The following CACNA2D3 variants were observed in gnomAD, a reference collection of about 807,000 sequenced individuals.
CACNA2D3 encodes calcium voltage-gated channel auxiliary subunit alpha2delta 3, also known as voltage-dependent calcium channel subunit alpha-2/delta-3.
CACNA2D3 carries 60 observed loss-of-function variants against 160.6 expected under a neutral mutation model. The ratio of observed to expected loss-of-function variants is 0.37; its 90% CI spans 0.30 to 0.46. The LOEUF is 0.46. Among genes scored for constraint, CACNA2D3 ranks in the 20% least tolerant of loss-of-function variants. The pLI, the probability that CACNA2D3 is intolerant of heterozygous loss-of-function variation, is 1.00. For synonymous variants in CACNA2D3, 558 were observed against 492.9 expected (o/e 1.13, Z -1.75); for missense variants, 1,205 against 1,365.0 (o/e 0.88, Z 1.85).
intron 2 of CACNA2D3, among the ~76,000 whole-genome samples, chr3:54,187,179 G>T (rs1361926684): frequency 1.2e-4 from 19 of 152,208 alleles, no homozygotes; most frequent in Admixed American, 1.2e-3. Flanking sequence ...CCTTGGAAGA[G>T]TCACTTGACA....
intron 2 of CACNA2D3, among the ~76,000 whole-genome samples, chr3:54,250,584 C>T (rs1456391554): frequency 6.6e-6 from 1 of 152,058 alleles, no homozygotes; most frequent in African/African-American, 2.4e-5. Flanking sequence ...AAGGCTCATG[C>T]CACAATACTT....
At chr3:55,053,770 A>G (rs569330238) in intron 35 of CACNA2D3, among the ~76,000 whole-genome samples, 1 of 151,966 alleles carries the variant, frequency 6.6e-6, no homozygotes, top group Non-Finnish European at 1.5e-5. Context: ...GATGAATTTT[A>G]TGTCCTTTCT....
intron 12 of CACNA2D3, among the ~76,000 whole-genome samples, chr3:54,761,208 C>G (rs1553835897): frequency 1.3e-5 from 2 of 152,090 alleles, no homozygotes; most frequent in Non-Finnish European, 2.9e-5. Flanking sequence ...TACAGGCAAC[C>G]AAGAAGAACT....
At chr3:54,602,896 A>G (rs528125054) in intron 9 of CACNA2D3, among the ~76,000 whole-genome samples, 3 of 152,282 alleles carry the variant, frequency 2.0e-5, no homozygotes, top group Non-Finnish European at 2.9e-5. Context: ...CACTCCTCAC[A>G]TTGCAGAAAG....
At chr3:54,662,961 C>T (rs887643412) in intron 11 of CACNA2D3, among the ~76,000 whole-genome samples, 20 of 152,174 alleles carry the variant, frequency 1.3e-4, no homozygotes, top group African/African-American at 4.6e-4. Context: ...GATAGTGGCT[C>T]CTTCTCAGTT....
intron 11 of CACNA2D3, among the ~76,000 whole-genome samples, chr3:54,690,607 G>T (rs564924156): frequency 1.3e-5 from 2 of 151,896 alleles, no homozygotes; most frequent in African/African-American, 2.4e-5. Flanking sequence ...GAATAGCTAT[G>T]GTTTTTGACA....
chr3:55,026,471 T>C (rs1703564700), intron 35 of CACNA2D3, among the ~76,000 whole-genome samples: 1 of 152,160 alleles, frequency 6.6e-6, no homozygotes, highest in Admixed American at 6.5e-5. Context: ...GCAATGCCAA[T>C]ACTCCATGGT....
At chr3:54,206,439 CTG>C (rs1184010632) in intron 2 of CACNA2D3, among the ~76,000 whole-genome samples, 1 of 152,158 alleles carries the variant, frequency 6.6e-6, no homozygotes, top group Non-Finnish European at 1.5e-5. Context: ...TCTAGAGACT[CTG>C]TGTCCTGGGA....
chr3:54,930,586 A>G (rs1050989981), intron 27 of CACNA2D3, among the ~76,000 whole-genome samples: 14 of 152,230 alleles, frequency 9.2e-5, no homozygotes, highest in Non-Finnish European at 1.5e-5. Flanking sequence ...GCAGAGAACC[A>G]AAGGCAGTCA....
chr3:55,029,628 A>G (rs918255059), intron 35 of CACNA2D3, among the ~76,000 whole-genome samples: 2 of 152,130 alleles, frequency 1.3e-5, no homozygotes, highest in African/African-American at 4.8e-5. Context: ...GATTTTTGCC[A>G]CTTCCTGGGT....
At chr3:54,965,634 A>G (rs1303775544) in intron 27 of CACNA2D3, among the ~76,000 whole-genome samples, 1 of 152,208 alleles carries the variant, frequency 6.6e-6, no homozygotes, top group Admixed American at 6.5e-5. Flanking sequence ...TGATCCATCA[A>G]TGAAATTGTG....
chr3:54,834,522 A>G (rs1698627708), intron 14 of CACNA2D3, among the ~76,000 whole-genome samples: 1 of 152,234 alleles, frequency 6.6e-6, no homozygotes, highest in South Asian at 2.1e-4. Flanking sequence ...AAACTATTAC[A>G]GACTGTATAT....
At chr3:54,715,966 G>GT (rs1701042978) in intron 11 of CACNA2D3, among the ~76,000 whole-genome samples, 2 of 152,064 alleles carry the variant, frequency 1.3e-5, no homozygotes, top group Admixed American at 6.6e-5. Flanking sequence ...TAAGTTCTGG[G>GT]TATCTAATAT....
At chr3:54,488,817 C>G (rs1231716229) in intron 4 of CACNA2D3, among the ~76,000 whole-genome samples, 1 of 152,102 alleles carries the variant, frequency 6.6e-6, no homozygotes, top group Non-Finnish European at 1.5e-5. Flanking sequence ...TGAGTAATCA[C>G]TCAGATAAGT....
At chr3:54,358,899 A>AT (rs980704515) in intron 3 of CACNA2D3, among the ~76,000 whole-genome samples, 5 of 151,894 alleles carry the variant, frequency 3.3e-5, no homozygotes, top group African/African-American at 4.8e-5. Context: ...TTCTAGGACA[A>AT]TTTTTTTTCC....
chr3:54,476,075 A>C (rs1372931967), intron 4 of CACNA2D3, among the ~76,000 whole-genome samples: 1 of 141,110 alleles, frequency 7.1e-6, no homozygotes, highest in Non-Finnish European at 1.5e-5. Flanking sequence ...GATTTCACAT[A>C]TAAGTGAGAT....
intron 2 of CACNA2D3, among the ~76,000 whole-genome samples, chr3:54,160,741 G>GT (rs2107296455): frequency 6.6e-6 from 1 of 152,288 alleles, no homozygotes; most frequent in East Asian, 1.9e-4. Context: ...GTTGTTTCAA[G>GT]TTTTCTGTGC....
intron 2 of CACNA2D3, among the ~76,000 whole-genome samples, chr3:54,157,658 G>A (rs1261985962): frequency 1.3e-5 from 2 of 152,124 alleles, no homozygotes; most frequent in African/African-American, 4.8e-5. Flanking sequence ...GAGCATGGTG[G>A]TGCATGCCTG....
At chr3:54,982,929 G>GACAC (rs1702537466) in intron 29 of CACNA2D3, among the ~76,000 whole-genome samples, 2 of 152,118 alleles carry the variant, frequency 1.3e-5, no homozygotes, top group African/African-American at 4.8e-5. Flanking sequence ...TGTTGTATCA[G>GACAC]CAAGGTCTTT....
Sources: gnomAD v4.1 joint callset for allele counts (sites outside exome capture counted in the v4.1 genomes callset) on GRCh38, gnomAD v4.1.1 for gene constraint, MANE v1.5 for transcripts, NCBI Gene and HGNC (gene_info 2026-07-23, HGNC 2026-07-21) for gene names.